The following PDZRN4 variants were observed in gnomAD, a reference collection of about 807,000 sequenced individuals.
The protein encoded by PDZRN4 is PDZ domain containing ring finger 4.
A neutral mutation model predicts 99.0 loss-of-function variants in PDZRN4; 70 were observed. That is an observed-to-expected ratio of 0.71 (90% CI 0.58 to 0.86). PDZRN4 has a LOEUF of 0.86. Among genes scored for constraint, PDZRN4 ranks in the 40% least tolerant of loss-of-function variants. The pLI is 0.00. For missense variants in PDZRN4, 1,474 were observed against 1,331.2 expected (o/e 1.11, Z -1.67); for synonymous variants, 551 against 501.6 (o/e 1.10, Z -1.32).
intron 5 of PDZRN4, among the ~76,000 whole-genome samples, chr12:41,511,658 C>T (rs1938306139): frequency 6.6e-6 from 1 of 152,074 alleles, no homozygotes; most frequent in Non-Finnish European, 1.5e-5. Flanking sequence ...AGAATACCTC[C>T]AGAGAAATTT....
At chr12:41,298,628 A>G (rs1188411865) in intron 3 of PDZRN4, among the ~76,000 whole-genome samples, 1 of 152,164 alleles carries the variant, frequency 6.6e-6, no homozygotes, top group Non-Finnish European at 1.5e-5. Flanking sequence ...ATAAATTAGA[A>G]TGAAGTTCAA....
chr12:41,387,967 G>T (rs1469510375), intron 3 of PDZRN4, among the ~76,000 whole-genome samples: 4 of 152,142 alleles, frequency 2.6e-5, no homozygotes, highest in African/African-American at 4.8e-5. Flanking sequence ...TTATATAGAT[G>T]CATGCATATG....
At chr12:41,280,234 C>T (rs1196240648) in intron 3 of PDZRN4, among the ~76,000 whole-genome samples, 2 of 152,148 alleles carry the variant, frequency 1.3e-5, no homozygotes, top group East Asian at 1.9e-4. Flanking sequence ...CAAGAGATTC[C>T]CTCGGGTGCC....
intron 9 of PDZRN4, among the ~76,000 whole-genome samples, chr12:41,569,840 G>GT (rs1252813034): frequency 2.0e-5 from 3 of 152,154 alleles, no homozygotes; most frequent in African/African-American, 7.2e-5. Flanking sequence ...ATGCTCACAA[G>GT]TAATATCGCT....
At chr12:41,285,365 C>A (rs1169045726) in intron 3 of PDZRN4, among the ~76,000 whole-genome samples, 7 of 152,086 alleles carry the variant, frequency 4.6e-5, no homozygotes, top group Non-Finnish European at 8.8e-5. Flanking sequence ...ACAGAACCTG[C>A]AGAGGATGTG....
intron 3 of PDZRN4, among the ~76,000 whole-genome samples, chr12:41,499,091 C>T (rs1212341589): frequency 6.6e-6 from 1 of 152,098 alleles, no homozygotes; most frequent in Non-Finnish European, 1.5e-5. Flanking sequence ...GACGTTCTTA[C>T]TACCTGTAGA....
chr12:41,293,167 C>T (rs1951466955), intron 3 of PDZRN4, among the ~76,000 whole-genome samples: 2 of 139,224 alleles, frequency 1.4e-5, no homozygotes, highest in African/African-American at 5.3e-5. Flanking sequence ...CACATTCCAC[C>T]AGCCAGAAGT....
At position 41,550,701 on chromosome 12, in the gene PDZRN4, T is replaced by A. The variant is rs148702743; in HGVS notation, c.1204-1955T>A. ...CAGAAAGTCAGCATTCTTCATAGTT[T>A]CATGCATTTCACTAATTTGCAGTAC... On this transcript the variant is annotated intron_variant, in intron 5 of 9. Transcript: ENST00000402685. Among the ~76,000 whole-genome samples the A allele has an allele frequency of 7.8e-3, 1,185 of 152,308 alleles. 16 individuals are homozygous for A. The highest frequency in any genetic ancestry group is 0.027 in the African/African-American group (1,108 of 41,574).
At chr12:41,429,084 A>G (rs143345249) in intron 3 of PDZRN4, among the ~76,000 whole-genome samples, 4 of 152,332 alleles carry the variant, frequency 2.6e-5, no homozygotes, top group African/African-American at 7.2e-5. Flanking sequence ...AATAGTCCCA[A>G]TGGAAACGTC....
chr12:41,399,593 A>T (rs1216161109), intron 3 of PDZRN4, among the ~76,000 whole-genome samples: 2 of 151,938 alleles, frequency 1.3e-5, no homozygotes, highest in Non-Finnish European at 2.9e-5. Context: ...AAAATTAGCT[A>T]GGCATGGTGG....
chr12:41,235,520 T>G (rs1430294815), intron 3 of PDZRN4, among the ~76,000 whole-genome samples: 1 of 152,168 alleles, frequency 6.6e-6, no homozygotes, highest in Non-Finnish European at 1.5e-5. Context: ...TGAGTTCCTA[T>G]GCACACAGTG....
At chr12:41,443,581 G>C (rs1305543312) in intron 3 of PDZRN4, among the ~76,000 whole-genome samples, 1 of 151,982 alleles carries the variant, frequency 6.6e-6, no homozygotes, top group African/African-American at 2.4e-5. Context: ...GGGCCAATTG[G>C]GCTTGATTTG....
chr12:41,329,798 T>C lies in PDZRN4; in HGVS notation c.843+135610T>C, dbSNP rs775723576. Among the ~76,000 whole-genome samples, 8 of 152,090 alleles carry C rather than the reference T, an allele frequency of 5.3e-5. No individual in the cohort carries two copies. In the East Asian group the frequency reaches 5.8e-4, roughly 11 times the overall value. On this transcript the variant is annotated intron_variant, in intron 3 of 9. Transcript: ENST00000402685. ...ACTCCACTAAATTTATGAGAAAATA[T>C]ACAAAATCATCATGCAAAGAAAGTA...
At chr12:41,211,207 T>C (rs1394161638) in intron 3 of PDZRN4, among the ~76,000 whole-genome samples, 1 of 151,970 alleles carries the variant, frequency 6.6e-6, no homozygotes, top group Non-Finnish European at 1.5e-5. Context: ...AATTGTCATA[T>C]CCCTTTTGTC....
At chr12:41,519,515 G>A (rs577798422) in intron 5 of PDZRN4, among the ~76,000 whole-genome samples, 8 of 152,022 alleles carry the variant, frequency 5.3e-5, no homozygotes, top group East Asian at 3.9e-4. Context: ...GTCCCCTCAC[G>A]TCTTCCTGAT....
At chr12:41,292,927 G>A (rs1043340648) in intron 3 of PDZRN4, among the ~76,000 whole-genome samples, 11 of 151,824 alleles carry the variant, frequency 7.2e-5, no homozygotes, top group Admixed American at 2.0e-4. Flanking sequence ...TTTCTGGTCA[G>A]GCAGCTCTCT....
intron 3 of PDZRN4, among the ~76,000 whole-genome samples, chr12:41,404,117 A>G (rs1166188418): frequency 1.3e-5 from 2 of 152,176 alleles, no homozygotes; most frequent in African/African-American, 4.8e-5. Context: ...TAAATGATAT[A>G]TACATAGTTG....
chr12:41,556,241 G>A (rs1400202848), intron 7 of PDZRN4, among the ~76,000 whole-genome samples: 1 of 152,226 alleles, frequency 6.6e-6, no homozygotes, highest in Non-Finnish European at 1.5e-5. Flanking sequence ...GGATCTAGAT[G>A]TTCCTTTGCT....
chr12:41,517,575 A>G (rs1447801825), intron 5 of PDZRN4, among the ~76,000 whole-genome samples: 2 of 152,108 alleles, frequency 1.3e-5, no homozygotes, highest in Non-Finnish European at 2.9e-5. Flanking sequence ...GTGGAAGGAA[A>G]CAGACTAGGA....
Sources: gnomAD v4.1 joint callset for allele counts (sites outside exome capture counted in the v4.1 genomes callset) on GRCh38, gnomAD v4.1.1 for gene constraint, MANE v1.5 for transcripts, NCBI Gene and HGNC (gene_info 2026-07-23, HGNC 2026-07-21) for gene names.